SDHB: variants seen among roughly 807,000 people sequenced by gnomAD.
SDHB encodes the protein succinate dehydrogenase [ubiquinone] iron-sulfur subunit, mitochondrial.
In SDHB, 21 loss-of-function variants were observed where a neutral mutation model predicts 39.7. That is an observed-to-expected ratio of 0.53 (90% CI 0.37 to 0.76). SDHB has a LOEUF of 0.76. SDHB is among the 30% of genes least tolerant of loss of function. SDHB has a pLI of 0.00. For synonymous variants in SDHB, 118 were observed against 117.0 expected, an observed-to-expected ratio of 1.01 and a Z score of -0.06; for missense variants, 343 against 350.9, an observed-to-expected ratio of 0.98 and a Z score of 0.18.
At chr1:17,050,446 C>T (rs11203288) in intron 1 of SDHB, among the ~76,000 whole-genome samples, 63,879 of 151,644 alleles carry the variant, frequency 0.42, 15,094 homozygotes, top group Non-Finnish European at 0.54. Context: ...GTCAGGAGTT[C>T]GAGATCAGCC....
At chr1:17,021,545 G>A (rs932508877) in intron 7 of SDHB, among the ~76,000 whole-genome samples, 2 of 152,102 alleles carry the variant, frequency 1.3e-5, no homozygotes, top group African/African-American at 4.8e-5. Context: ...GGGAGTTCGA[G>A]ACCAGCCTGA....
In SDHB at chr1:17,022,728, G is replaced by C. The variant is rs1473312934; in HGVS notation, c.645C>G (p.Ala215=). 6.2e-7 allele frequency: 1 copy of C among 1,613,352 alleles called. No individual in the cohort carries two copies. Among genetic ancestry groups the C allele is most frequent in the Non-Finnish European group, 8.5e-7 (1 of 1,179,574 alleles). Residue 215 remains alanine, a splice_region_variant and synonymous_variant, in exon 7 of 8, where the codon GCC becomes GCG. Transcript: ENST00000375499. ...KYLGPAVLMQ[A]YRWMIDSRDD... ...CTCTGGAGTCAATCATCCAGCGATA[G>C]GCCTGGAAAACCAGGGATGATTAGC...
chr1:17,051,103 C>G (rs144723998), intron 1 of SDHB, among the ~76,000 whole-genome samples: 1 of 152,170 alleles, frequency 6.6e-6, no homozygotes, highest in African/African-American at 2.4e-5. Context: ...AATTCCATTT[C>G]ACAATGAGAT....
chr1:17,047,113 T>C (rs934517651), intron 1 of SDHB, among the ~76,000 whole-genome samples: 1 of 152,160 alleles, frequency 6.6e-6, no homozygotes, highest in African/African-American at 2.4e-5. Context: ...CCCAGTACTT[T>C]GGGAGGCCAA....
At position 17,018,903 on chromosome 1, in the gene SDHB, T is replaced by A. The variant is rs1211308568; in HGVS notation, c.821A>T (p.Lys274Met). Residue 274 changes from lysine (K) to methionine (M), a missense_variant, in exon 8 of 8, where the codon AAG (lysine) becomes ATG (methionine). Physicochemically the swap from Lys to Met is moderately conservative, Grantham distance 95. Transcript: ENST00000375499. ...AEIKKMMATYKEKKASV is the reference protein window; with the variant it reads ...AEIKKMMATYMEKKASV ...CAGTTAAACTGAAGCTTTCTTCTCCTTATAGGTTGCCATCATTTTCTTGAT... is the reference window on the plus strand; with the variant it reads ...CAGTTAAACTGAAGCTTTCTTCTCCATATAGGTTGCCATCATTTTCTTGAT... The A allele has an allele frequency of 6.2e-7, 1 of 1,612,790 alleles. No homozygotes were observed. Among genetic ancestry groups the A allele is most frequent in the Non-Finnish European group, 8.5e-7 (1 of 1,178,906 alleles).
At chr1:17,030,776 G>C (rs2746468) in intron 3 of SDHB, among the ~76,000 whole-genome samples, 15,581 of 151,746 alleles carry the variant, frequency 0.1, 910 homozygotes, top group African/African-American at 0.16. Flanking sequence ...CTGCCTCCCG[G>C]GTTCAAGTGA....
chr1:17,046,354 AT>A lies in SDHB; in HGVS notation c.73-1467del, dbSNP rs35298846. On this transcript the variant is annotated intron_variant, in intron 1 of 7. Transcript: ENST00000375499. ...GTGGACTTTGCTTGCTTAATGTCCC[AT>A]TTTTTTTTTGGTCTTTTTTCTGTGA... Among the ~76,000 whole-genome samples, 167 of 150,080 alleles carry A rather than the reference AT, an allele frequency of 1.1e-3. 2 individuals are homozygous for A. The South Asian group carries it at 0.017, about 15-fold the overall frequency.
intron 2 of SDHB, 95 bp downstream of exon 2, chr1:17,044,666 C>T: frequency 1.4e-6 from 2 of 1,423,908 alleles, no homozygotes; most frequent in Non-Finnish European, 2.0e-6. Flanking sequence ...ATCGGATGAT[C>T]TCAGATTTTT....
intron 3 of SDHB, among the ~76,000 whole-genome samples, chr1:17,030,437 GAAGA>G (rs2078016257): frequency 6.6e-6 from 1 of 152,124 alleles, no homozygotes; most frequent in South Asian, 2.1e-4. Flanking sequence ...CCAAAGAGGA[GAAGA>G]ATGAACTAAT....
intron 7 of SDHB, among the ~76,000 whole-genome samples, chr1:17,021,050 G>C (rs1570943756): frequency 6.6e-6 from 1 of 152,160 alleles, no homozygotes; most frequent in Non-Finnish European, 1.5e-5. Context: ...TGCTCGGAGG[G>C]CAGCCGTGTT....
chr1:17,042,954 G>T (rs1449289228), intron 2 of SDHB, among the ~76,000 whole-genome samples: 16 of 62,892 alleles, frequency 2.5e-4, no homozygotes, highest in South Asian at 7.6e-4. Flanking sequence ...TGTTTTATGA[G>T]TTTTTTTTTT....
Position 17,036,051 on chromosome 1 carries a change from T to C in SDHB, c.201-2906A>G, listed in dbSNP as rs896509344. ...AACATAAATTTTCTCAGATTTTACA[T>C]AGATACCAAAATTGTTTGATATTCT... On this transcript the variant is annotated intron_variant, in intron 2 of 7. Coordinates refer to ENST00000375499, the MANE Select transcript of SDHB (RefSeq NM_003000.3). 5.3e-5 allele frequency among the ~76,000 whole-genome samples: 8 copies of C among 152,250 alleles called. No homozygotes were observed. The East Asian group carries it at 7.7e-4, about 15-fold the overall frequency.
In SDHB at chr1:17,044,849, G is replaced by T; in HGVS notation, c.112C>A (p.Arg38Ser). 1 of 1,613,904 alleles carries T rather than the reference G, an allele frequency of 6.2e-7. No homozygotes were observed. The highest frequency in any genetic ancestry group is 8.5e-7 in the Non-Finnish European group (1 of 1,179,924). The change falls in exon 2 of 8, where the codon CGT becomes AGT. Residue 38 changes from arginine to serine, a missense_variant. Coordinates refer to ENST00000375499, the MANE Select transcript of SDHB (RefSeq NM_003000.3). ...CGATAGATGGCAAATTTCTTGATAC[G>T]GGGAGCTGTGGCTGCAGCTGTCTGG... ...GAQTAAATAP[R>S]IKKFAIYRWD... is the part of the protein sequence containing the mutation.
chr1:17,028,848 C>A (rs2078006206), intron 3 of SDHB, 112 bp from the exon 4 acceptor site: 1 of 1,252,902 alleles, frequency 8.0e-7, no homozygotes, highest in Admixed American at 1.7e-5. Context: ...CACTGACATG[C>A]AACATTCCTC....
At chr1:17,022,550 A>T in intron 7 of SDHB, 58 bp downstream of exon 7, 5 of 1,608,468 alleles carry the variant, frequency 3.1e-6, no homozygotes, top group Non-Finnish European at 4.3e-6. Context: ...TTGTGAGCAC[A>T]TGCTACTTCT....
At position 17,053,655 on chromosome 1, in the gene SDHB, C is replaced by T. The variant is rs890041295; in HGVS notation, c.72+293G>A. 2.6e-5 allele frequency among the ~76,000 whole-genome samples: 4 copies of T among 151,948 alleles called. No homozygotes were observed. In the East Asian group the frequency reaches 7.7e-4, roughly 29 times the overall value. ...TCAAATTCTGGTTCCAGCAGTCATT[C>T]GCTTGCCATGTGACCTTGAGCAATT... On this transcript the variant is annotated intron_variant, in intron 1 of 7. Coordinates refer to ENST00000375499, the MANE Select transcript of SDHB (RefSeq NM_003000.3).
At chr1:17,043,047 C>CGAG (rs2078090387) in intron 2 of SDHB, among the ~76,000 whole-genome samples, 1 of 145,690 alleles carries the variant, frequency 6.9e-6, no homozygotes, top group African/African-American at 2.5e-5. Flanking sequence ...CTGCAACCTC[C>CGAG]GCCTCCCAGG....
intron 6 of SDHB, chr1:17,023,034 A>G (rs1557739599): frequency 2.6e-6 from 1 of 381,508 alleles, no homozygotes; most frequent in Non-Finnish European, 5.1e-6. Flanking sequence ...TACCCAGCTT[A>G]TAATTTGGTG....
At chr1:17,046,473 A>G (rs779062515) in intron 1 of SDHB, among the ~76,000 whole-genome samples, 4 of 152,208 alleles carry the variant, frequency 2.6e-5, no homozygotes, top group Admixed American at 6.5e-5. Context: ...CCACAATTAC[A>G]ACAGAGTATT....
Sources: allele counts gnomAD v4.1 joint callset (sites outside exome capture counted in the v4.1 genomes callset), GRCh38; gene constraint gnomAD v4.1.1; transcripts MANE v1.5; gene names NCBI Gene and HGNC (gene_info 2026-07-23, HGNC 2026-07-21).